SMAD3: variants seen among roughly 807,000 people sequenced by gnomAD.
The protein encoded by SMAD3 is MAD homolog 3.
In SMAD3, 12 loss-of-function variants were observed where a neutral mutation model predicts 51.8. The ratio of observed to expected loss-of-function variants is 0.23; its 90% CI spans 0.15 to 0.38. SMAD3 has a LOEUF of 0.38. Among genes scored for constraint, SMAD3 ranks in the 10% least tolerant of loss-of-function variants. The pLI is 1.00. For missense variants in SMAD3, 294 were observed against 565.6 expected, an observed-to-expected ratio of 0.52 and a Z score of 4.87; for synonymous variants, 238 against 227.7, an observed-to-expected ratio of 1.05 and a Z score of -0.41.
intron 5 of SMAD3, among the ~76,000 whole-genome samples, chr15:67,175,359 G>C (rs1284661789): frequency 1.3e-5 from 2 of 152,170 alleles, no homozygotes; most frequent in African/African-American, 2.4e-5. Context: ...GGATAGGGCA[G>C]CTTGGAGGTG....
intron 1 of SMAD3, chr15:67,138,331 T>G (rs1367325804): frequency 2.0e-6 from 1 of 493,800 alleles, no homozygotes; most frequent in African/African-American, 1.9e-5. Context: ...GGGACCCTGC[T>G]CCCCTCCCCT....
chr15:67,189,116 C>G (rs895797804), intron 8 of SMAD3, among the ~76,000 whole-genome samples: 4 of 152,182 alleles, frequency 2.6e-5, no homozygotes, highest in African/African-American at 9.7e-5. Flanking sequence ...ATTTAGGGAA[C>G]AGGAGTGAAA....
chr15:67,154,447 G>A (rs744910), intron 1 of SMAD3, among the ~76,000 whole-genome samples: 68,191 of 151,938 alleles, frequency 0.45, 15,812 homozygotes, highest in Middle Eastern at 0.53. Flanking sequence ...GAACTTGTTG[G>A]GAACACTCAG....
intron 6 of SMAD3, among the ~76,000 whole-genome samples, chr15:67,184,399 G>T (rs758331308): frequency 6.6e-6 from 1 of 152,122 alleles, no homozygotes; most frequent in Non-Finnish European, 1.5e-5. Flanking sequence ...GAGCCACCGC[G>T]CCTGGCCCCC....
At chr15:67,141,991 G>C (rs1335562536) in intron 1 of SMAD3, among the ~76,000 whole-genome samples, 1 of 152,194 alleles carries the variant, frequency 6.6e-6, no homozygotes, top group African/African-American at 2.4e-5. Flanking sequence ...TTTAAATTAG[G>C]GTCAATCATA....
rs76362886 is a variant in SMAD3 at position 67,134,387 on chromosome 15, C to T, written c.207-30508C>T. ...ATGCCATCCAGCCATCGGAGAGATG[C>T]AGGAAAGGCCTTTTGAAATGCTGTT... On this transcript the variant is annotated intron_variant, in intron 1 of 8. Coordinates refer to ENST00000327367, the MANE Select transcript of SMAD3 (RefSeq NM_005902.4). 3.0e-3 allele frequency among the ~76,000 whole-genome samples: 451 copies of T among 152,286 alleles called. 16 individuals are homozygous for T. The East Asian group carries it at 0.064, about 21-fold the overall frequency.
chr15:67,103,852 C>T (rs1026970596), intron 1 of SMAD3, among the ~76,000 whole-genome samples: 2 of 152,176 alleles, frequency 1.3e-5, no homozygotes, highest in Non-Finnish European at 2.9e-5. Flanking sequence ...GTGCCAAACT[C>T]GTTGCTGGAT....
intron 1 of SMAD3, among the ~76,000 whole-genome samples, chr15:67,155,783 C>G (rs1213534229): frequency 6.6e-6 from 1 of 152,046 alleles, no homozygotes; most frequent in African/African-American, 2.4e-5. Context: ...GTCAGGAGTT[C>G]AAGACCAGCC....
chr15:67,181,126 T>C lies in SMAD3; in HGVS notation c.659-115T>C. ...CGATAAAAGGCATGGGGTAGGGAGATTATAATCCCTCTGAAATGCGGGGAA... is the reference window on the plus strand; with the variant it reads ...CGATAAAAGGCATGGGGTAGGGAGACTATAATCCCTCTGAAATGCGGGGAA... On this transcript the variant is annotated intron_variant, in intron 5 of 8. Transcript: ENST00000327367. 4.9e-6 allele frequency: 4 copies of C among 810,596 alleles called. No homozygotes were observed. In the South Asian group the frequency reaches 5.8e-5, roughly 12 times the overall value. The allele number at this position is 810,596 out of a possible 1,614,324, so 50.2% of individuals were successfully genotyped here. A position where few individuals can be genotyped will look rare whatever the true frequency, so the allele number is the denominator to read the frequency against.
At chr15:67,161,773 A>G (rs1349868420) in intron 1 of SMAD3, among the ~76,000 whole-genome samples, 1 of 152,200 alleles carries the variant, frequency 6.6e-6, no homozygotes, top group Non-Finnish European at 1.5e-5. Context: ...TTTCAAATGG[A>G]AACCAAGCTT....
intron 1 of SMAD3, among the ~76,000 whole-genome samples, chr15:67,072,091 A>G (rs913780564): frequency 3.3e-5 from 5 of 152,236 alleles, no homozygotes; most frequent in Admixed American, 6.5e-5. Flanking sequence ...GATGAAATTG[A>G]AAGAATTTGT....
At chr15:67,165,524 C>T (rs1465288711) in intron 3 of SMAD3, 140 bp downstream of exon 3, 10 of 1,020,656 alleles carry the variant, frequency 9.8e-6, no homozygotes, top group Non-Finnish European at 1.4e-5. Flanking sequence ...CCTGAGGGCC[C>T]CTGACTCAGA....
intron 5 of SMAD3, among the ~76,000 whole-genome samples, chr15:67,172,640 G>A (rs1045189488): frequency 2.0e-5 from 3 of 152,228 alleles, no homozygotes; most frequent in African/African-American, 7.2e-5. Flanking sequence ...TAAGGCAGAA[G>A]CGTTGTGATT....
At chr15:67,101,829 A>G (rs1202693574) in intron 1 of SMAD3, among the ~76,000 whole-genome samples, 2 of 152,336 alleles carry the variant, frequency 1.3e-5, no homozygotes, top group East Asian at 1.9e-4. Flanking sequence ...AAGCATCTGC[A>G]TGAGATGATG....
In SMAD3 at chr15:67,194,135, T is replaced by A. The variant is rs1477190941; in HGVS notation, c.*3599T>A. 2 of 233,420 alleles carry A rather than the reference T, an allele frequency of 8.6e-6. No homozygotes were observed. The highest frequency in any genetic ancestry group is 1.7e-5 in the Non-Finnish European group (2 of 118,106). The allele number at this position is 233,420 out of a possible 1,614,324, so 14.5% of individuals were successfully genotyped here. ...TCTTACTGTGTGACTTGGCTAGAGTTGGGAGTTCCCCCAAAATAAACGTGT... is the reference window on the plus strand; with the variant it reads ...TCTTACTGTGTGACTTGGCTAGAGTAGGGAGTTCCCCCAAAATAAACGTGT... On this transcript the variant is annotated 3_prime_UTR_variant, in exon 9 of 9. Transcript: ENST00000327367.
chr15:67,138,202 C>A, intron 1 of SMAD3: 2 of 898,454 alleles, frequency 2.2e-6, no homozygotes, highest in Non-Finnish European at 1.8e-6. Context: ...TTTCTCCGGG[C>A]TTCTCTTTCT....
chr15:67,115,054 G>A (rs1053015621), intron 1 of SMAD3, among the ~76,000 whole-genome samples: 1 of 152,110 alleles, frequency 6.6e-6, no homozygotes, highest in Non-Finnish European at 1.5e-5. Context: ...ACATCATCTA[G>A]GGTCACCCTG....
At chr15:67,123,184 G>A (rs1329778574) in intron 1 of SMAD3, among the ~76,000 whole-genome samples, 4 of 53,896 alleles carry the variant, frequency 7.4e-5, no homozygotes, top group Non-Finnish European at 1.4e-4. Context: ...GTGAGACCCT[G>A]TCTCAAAAAA....
At chr15:67,116,283 A>G (rs1355390341) in intron 1 of SMAD3, among the ~76,000 whole-genome samples, 3 of 152,210 alleles carry the variant, frequency 2.0e-5, no homozygotes, top group Non-Finnish European at 2.9e-5. Context: ...GGCCATCCAC[A>G]TCTTCACATT....
Sources: allele counts gnomAD v4.1 joint callset (sites outside exome capture counted in the v4.1 genomes callset), GRCh38; gene constraint gnomAD v4.1.1; transcripts MANE v1.5; gene names NCBI Gene and HGNC (gene_info 2026-07-23, HGNC 2026-07-21).